The following FYB2 variants were observed in gnomAD, a reference collection of about 807,000 sequenced individuals.
FYB2 encodes FYN-binding protein 2.
Under a neutral mutation model 94.1 loss-of-function variants are expected in FYB2, and 103 were observed. That is an observed-to-expected ratio of 1.09 (90% CI 0.93 to 1.29). The LOEUF is 1.29. Ranked by LOEUF, FYB2 falls within the 50% of genes most tolerant of loss-of-function variation. The pLI is 0.00. For synonymous variants in FYB2, 293 were observed against 287.9 expected (o/e 1.02, Z -0.18); for missense variants, 896 against 841.5 (o/e 1.06, Z -0.80).
intron 4 of FYB2, among the ~76,000 whole-genome samples, chr1:56,775,625 G>A (rs977073355): frequency 6.6e-6 from 1 of 152,210 alleles, no homozygotes; most frequent in Non-Finnish European, 1.5e-5. Context: ...GCAGAGATAA[G>A]AAGCCAGATA....
chr1:56,745,482 G>A (rs574578758), intron 9 of FYB2, among the ~76,000 whole-genome samples: 11 of 151,858 alleles, frequency 7.2e-5, no homozygotes, highest in Non-Finnish European at 1.5e-4. Context: ...AGACATCCTC[G>A]ATTCATTTCT....
chr1:56,751,719 T>C (rs1645203638), intron 8 of FYB2, among the ~76,000 whole-genome samples: 2 of 152,036 alleles, frequency 1.3e-5, no homozygotes, highest in South Asian at 2.1e-4. Context: ...CTTTCTTCAC[T>C]CCCTTTCTCT....
At chr1:56,796,415 G>A (rs1416366704) in intron 1 of FYB2, among the ~76,000 whole-genome samples, 1 of 152,040 alleles carries the variant, frequency 6.6e-6, no homozygotes, top group Non-Finnish European at 1.5e-5. Flanking sequence ...CCACTGATCT[G>A]AACTCTTAAG....
intron 4 of FYB2, 130 bp from the exon 5 acceptor site, chr1:56,768,068 G>T: frequency 4.7e-6 from 3 of 634,376 alleles, no homozygotes; most frequent in Non-Finnish European, 8.1e-6. Flanking sequence ...ATATATGGGA[G>T]GCACACTACC....
intron 1 of FYB2, among the ~76,000 whole-genome samples, chr1:56,815,814 C>A (rs1437257450): frequency 1.3e-5 from 2 of 152,162 alleles, no homozygotes; most frequent in African/African-American, 4.8e-5. Context: ...AATTCAAGCA[C>A]CATTTTGTAA....
chr1:56,771,958 T>C (rs1051661201), intron 4 of FYB2, among the ~76,000 whole-genome samples: 2 of 151,526 alleles, frequency 1.3e-5, no homozygotes, highest in Non-Finnish European at 2.9e-5. Context: ...ATTTTGCATA[T>C]TTTCTAGTTT....
At chr1:56,752,675 C>T (rs1367265846) in intron 8 of FYB2, among the ~76,000 whole-genome samples, 2 of 152,066 alleles carry the variant, frequency 1.3e-5, no homozygotes, top group Non-Finnish European at 2.9e-5. Flanking sequence ...ATAATGAAAG[C>T]AGCCCCTCAT....
intron 15 of FYB2, among the ~76,000 whole-genome samples, chr1:56,729,969 A>C (rs1341837536): frequency 6.6e-6 from 1 of 152,082 alleles, no homozygotes; most frequent in Admixed American, 6.6e-5. Flanking sequence ...AATACTTAAA[A>C]ATTCTTTGAA....
chr1:56,731,113 C>CTA (rs1418020678), intron 15 of FYB2, among the ~76,000 whole-genome samples: 1 of 151,924 alleles, frequency 6.6e-6, no homozygotes, highest in Non-Finnish European at 1.5e-5. Flanking sequence ...ACCCAACTCA[C>CTA]TCCCAGGACA....
chr1:56,748,216 A>C (rs1337944717), intron 9 of FYB2, among the ~76,000 whole-genome samples: 1 of 152,106 alleles, frequency 6.6e-6, no homozygotes, highest in African/African-American at 2.4e-5. Flanking sequence ...CTCTGATGAT[A>C]GTTGCTTTTG....
chr1:56,745,836 A>G (rs1408194515), intron 9 of FYB2, among the ~76,000 whole-genome samples: 1 of 151,982 alleles, frequency 6.6e-6, no homozygotes, highest in Non-Finnish European at 1.5e-5. Flanking sequence ...CCCATCTCCT[A>G]CTATACTCTT....
At chr1:56,775,349 A>G (rs577353708) in intron 4 of FYB2, among the ~76,000 whole-genome samples, 2 of 152,266 alleles carry the variant, frequency 1.3e-5, no homozygotes, top group African/African-American at 2.4e-5. Context: ...AGTAAATGTT[A>G]TTAAAGTGCC....
chr1:56,740,341 G>A (rs1644922417), intron 13 of FYB2, among the ~76,000 whole-genome samples: 1 of 152,056 alleles, frequency 6.6e-6, no homozygotes, highest in Non-Finnish European at 1.5e-5. Flanking sequence ...GGGCTTGTAG[G>A]GCCCCAAAAG....
chr1:56,737,254 G>T, intron 14 of FYB2, 107 bp from the exon 15 acceptor site: 1 of 720,804 alleles, frequency 1.4e-6, no homozygotes, highest in Non-Finnish European at 2.3e-6. Context: ...GCATCTTCAG[G>T]TCTGTTTTAG....
At chr1:56,766,378 T>A (rs1467914944) in intron 5 of FYB2, among the ~76,000 whole-genome samples, 2 of 152,220 alleles carry the variant, frequency 1.3e-5, no homozygotes, top group South Asian at 4.1e-4. Flanking sequence ...GAATCTAGAC[T>A]GCCCAGTCTA....
At chr1:56,734,986 T>C (rs1209480365) in intron 15 of FYB2, among the ~76,000 whole-genome samples, 2 of 151,836 alleles carry the variant, frequency 1.3e-5, no homozygotes, top group African/African-American at 2.4e-5. Context: ...ATGTGGAGAA[T>C]AGGAAATTCT....
intron 12 of FYB2, among the ~76,000 whole-genome samples, chr1:56,741,292 T>G (rs1013704861): frequency 1.3e-5 from 2 of 152,108 alleles, no homozygotes; most frequent in African/African-American, 4.8e-5. Flanking sequence ...CTACTGCAAG[T>G]AATCTCTATT....
chr1:56,723,692 A>T lies in FYB2; in HGVS notation c.1881-11T>A. The stretch of plus-strand genomic sequence containing the variant: ...TTTCTAGGAGAGAAACTAGCAAGAA[A>T]TGTGCAGGTAGGGTAAAACGTACTA... On this transcript the variant is annotated splice_polypyrimidine_tract_variant and intron_variant, in intron 16 of 19. Coordinates refer to ENST00000343433, the MANE Select transcript of FYB2 (RefSeq NM_001004303.5). 1 of 1,468,598 alleles carries T rather than the reference A, an allele frequency of 6.8e-7. No homozygotes were observed. Among genetic ancestry groups the T allele is most frequent in the Non-Finnish European group, 9.5e-7 (1 of 1,055,918 alleles). 91.0% of individuals were successfully genotyped at this position (1,468,598 alleles called of 1,614,324 possible).
intron 14 of FYB2, among the ~76,000 whole-genome samples, 162 bp downstream of exon 14, chr1:56,738,463 C>T (rs2100588803): frequency 6.6e-6 from 1 of 152,184 alleles, no homozygotes; most frequent in Non-Finnish European, 1.5e-5. Context: ...TCATCTTCTC[C>T]AAAGTAAAAA....
Sources: gnomAD v4.1 joint callset for allele counts (sites outside exome capture counted in the v4.1 genomes callset) on GRCh38, gnomAD v4.1.1 for gene constraint, MANE v1.5 for transcripts, NCBI Gene and HGNC (gene_info 2026-07-23, HGNC 2026-07-21) for gene names.